Variants in PLK2 observed in about 807,000 individuals in gnomAD.
The protein encoded by PLK2 is serine/threonine-protein kinase PLK2.
Under a neutral mutation model 78.1 loss-of-function variants are expected in PLK2, and 25 were observed. The observed-to-expected ratio is 0.32, with a 90% CI of 0.23 to 0.45. PLK2 has a LOEUF of 0.45. Among genes scored for constraint, PLK2 ranks in the 20% least tolerant of loss-of-function variants. The pLI is 1.00. For missense variants in PLK2, 566 were observed against 840.2 expected (o/e 0.67, Z 4.04); for synonymous variants, 332 against 298.2 (o/e 1.11, Z -1.17).
Position 58,458,705 on chromosome 5 carries a change from A to C in PLK2, c.495+20T>G, listed in dbSNP as rs759556389. 5.9e-6 allele frequency: 8 copies of C among 1,345,856 alleles called. No homozygotes were observed. 83.4% of individuals were successfully genotyped at this position (1,345,856 alleles called of 1,614,324 possible). A position where few individuals can be genotyped will look rare whatever the true frequency, so the allele number is the denominator to read the frequency against. Reference sequence around the variant, plus strand: ...TAATTCGGGGTAAGCAAATGTTCTCAAATAGGAGTTGACACTTACCCTTCT... The same window carrying C: ...TAATTCGGGGTAAGCAAATGTTCTCCAATAGGAGTTGACACTTACCCTTCT... On this transcript the variant is annotated intron_variant, in intron 3 of 13. Coordinates refer to ENST00000274289, the MANE Select transcript of PLK2 (RefSeq NM_006622.4).
chr5:58,459,444 A>T, intron 1 of PLK2: 1 of 566,030 alleles, frequency 1.8e-6, no homozygotes, highest in Non-Finnish European at 3.1e-6. Flanking sequence ...CCTCGCTTCC[A>T]GACTCAAGAT....
In PLK2 at chr5:58,454,203, C is replaced by G. The variant is rs1200615491; in HGVS notation, c.*380G>C. The G allele has an allele frequency of 1.2e-5, 2 of 167,392 alleles. No individual in the cohort carries two copies. Among genetic ancestry groups the G allele is most frequent in the African/African-American group, 4.8e-5 (2 of 42,044 alleles). 10.4% of individuals were successfully genotyped at this position (167,392 alleles called of 1,614,324 possible). A position where few individuals can be genotyped will look rare whatever the true frequency, so the allele number is the denominator to read the frequency against. ...CAGCCAAAAGCTGCTCCAATTACAGCCTTTAAACAACATGGGAGCTTCCTC... is the reference window on the plus strand; with the variant it reads ...CAGCCAAAAGCTGCTCCAATTACAGGCTTTAAACAACATGGGAGCTTCCTC... On this transcript the variant is annotated 3_prime_UTR_variant, in exon 14 of 14. Coordinates refer to ENST00000274289, the MANE Select transcript of PLK2 (RefSeq NM_006622.4).
At position 58,457,202 on chromosome 5, in the gene PLK2, A is replaced by C. The variant is rs1273270929; in HGVS notation, c.987T>G (p.Ile329Met). The change falls in exon 7 of 14, where the codon ATT (isoleucine) becomes ATG (methionine). Residue 329 changes from isoleucine (I) to methionine (M), a missense_variant. By Grantham distance (10) the Ile-to-Met change is conservative. Around this residue, in one of 5 missense-constraint regions of PLK2, gnomAD observed 179 missense variants for 342.3 expected, o/e 0.52. Transcript: ENST00000274289. The part of the protein sequence containing the change: ...PEDRPSLDDI[I>M]RHDFFLQGFT... Reference sequence around the variant, plus strand: ...CAACCTGCAAAAAAAAGTCATGTCGAATGATGTCATCCAAACTGGGACGAT... The same window carrying C: ...CAACCTGCAAAAAAAAGTCATGTCGCATGATGTCATCCAAACTGGGACGAT... The C allele has an allele frequency of 1.9e-6, 3 of 1,614,048 alleles. No individual in the cohort carries two copies. The African/African-American group carries it at 4.0e-5, about 22-fold the overall frequency.
At chr5:58,456,181 T>C in intron 9 of PLK2, 26 bp from the exon 10 acceptor site, 2 of 1,600,412 alleles carry the variant, frequency 1.2e-6, no homozygotes, top group South Asian at 1.1e-5. Context: ...ATTTATGCAA[T>C]GAGTCAAGCA....
chr5:58,458,990 C>G lies in PLK2; in HGVS notation c.373G>C (p.Glu125Gln). Residue 125 changes from glutamate (E) to glutamine (Q), a missense_variant, in exon 2 of 14, where the codon GAA (glutamate) becomes CAA (glutamine). By Grantham distance (29) the Glu-to-Gln change is conservative. Coordinates refer to ENST00000274289, the MANE Select transcript of PLK2 (RefSeq NM_006622.4). Reference sequence around the variant, plus strand: ...TACTCAAGAGTCATACGCACCTTTTCCCTTTGATGAGGTTTAGCTACTCTG... The same window carrying G: ...TACTCAAGAGTCATACGCACCTTTTGCCTTTGATGAGGTTTAGCTACTCTG... ...HSRVAKPHQR[E>Q]KIDKEIELHR... The G allele has an allele frequency of 6.3e-7, 1 of 1,576,116 alleles. No homozygotes were observed. Among genetic ancestry groups the G allele is most frequent in the Non-Finnish European group, 8.7e-7 (1 of 1,145,692 alleles).
chr5:58,457,024 T>C lies in PLK2; in HGVS notation c.1077A>G (p.Pro359=). ...CTGCTTTCTTAAAGAAATTCTTAGC[T>C]GGGCTTGATAAGTGGAAATCTGGAA... ...HTVPDFHLSS[P]AKNFFKKAAA... is the part of the protein sequence containing the mutation. The change falls in exon 8 of 14, where the codon CCA becomes CCG. Residue 359 remains proline, a synonymous_variant. Coordinates refer to ENST00000274289, the MANE Select transcript of PLK2 (RefSeq NM_006622.4). 1 of 1,613,696 alleles carries C rather than the reference T, an allele frequency of 6.2e-7. No individual in the cohort carries two copies. The highest frequency in any genetic ancestry group is 8.5e-7 in the Non-Finnish European group (1 of 1,179,644).
Position 58,455,729 on chromosome 5 carries a change from G to A in PLK2, c.1435C>T (p.Leu479Phe), listed in dbSNP as rs886556922. 3 of 1,613,932 alleles carry A rather than the reference G, an allele frequency of 1.9e-6. No individual in the cohort carries two copies. The highest frequency in any genetic ancestry group is 3.3e-5 in the Admixed American group (2 of 59,996). The change falls in exon 11 of 14, where the codon CTT (leucine) becomes TTT (phenylalanine). Residue 479 changes from leucine to phenylalanine, a missense_variant. Coordinates refer to ENST00000274289, the MANE Select transcript of PLK2 (RefSeq NM_006622.4). The part of the protein sequence containing the change: ...GSVADTVARV[L>F]RGCLENMPEA... ...GGCATGTTTTCCAGACATCCCCGAA[G>A]AACCCTTGCCACTGTGTCTGCAACA...
rs1310584524 is a variant in PLK2, at chr5:58,459,807, C to T, written c.153G>A (p.Val51=). The T allele has an allele frequency of 1.2e-6, 2 of 1,609,210 alleles. No individual in the cohort carries two copies. Among genetic ancestry groups the T allele is most frequent in the Non-Finnish European group, 1.7e-6 (2 of 1,179,836 alleles). Residue 51 remains valine, a synonymous_variant, in exon 1 of 14, where the codon GTG becomes GTA. Transcript: ENST00000274289. ...ESQPPQSQAQ[V]PPAAPHHHHH... ...GATGGTGGTGAGGGGCCGCCGGGGG[C>T]ACTTGCGCCTGGGACTGAGGTGGCT...
At chr5:58,455,865 A>C in intron 10 of PLK2, 86 bp from the exon 11 acceptor site, 2 of 1,530,104 alleles carry the variant, frequency 1.3e-6, no homozygotes, top group Non-Finnish European at 1.8e-6. Context: ...GTTTCACTCC[A>C]TTAATTCGAA....
intron 5 of PLK2, 144 bp downstream of exon 5, chr5:58,457,940 G>A (rs1393432181): frequency 5.8e-6 from 4 of 695,220 alleles, no homozygotes; most frequent in East Asian, 2.5e-5. Flanking sequence ...GTCCATAGTG[G>A]GCATTTAATA....
chr5:58,458,061 G>A (rs761946938), intron 5 of PLK2, 23 bp downstream of exon 5: 26 of 1,477,958 alleles, frequency 1.8e-5, no homozygotes, highest in Non-Finnish European at 2.5e-5. Flanking sequence ...AAGTCTACTA[G>A]GATGCATCTT....
Position 58,460,034 on chromosome 5 carries a change from C to CGCA in PLK2, c.-78_-76dup. On this transcript the variant is annotated 5_prime_UTR_variant, in exon 1 of 14. Coordinates refer to ENST00000274289, the MANE Select transcript of PLK2 (RefSeq NM_006622.4). ...ACACGTCCGAGCCGGCCGTGGTCCT[C>CGCA]GCACCCTTGCCTCTGGTGCCGACTA... The CGCA allele has an allele frequency of 6.7e-7, 1 of 1,502,680 alleles. No homozygotes were observed. Among genetic ancestry groups the CGCA allele is most frequent in the Non-Finnish European group, 8.9e-7 (1 of 1,123,436 alleles). The allele number at this position is 1,502,680 out of a possible 1,614,324, so 93.1% of individuals were successfully genotyped here. A position where few individuals can be genotyped will look rare whatever the true frequency, so the allele number is the denominator to read the frequency against.
In PLK2 at chr5:58,459,612, C is replaced by T. The variant is rs897275269; in HGVS notation, c.270+78G>A. 64 of 1,301,054 alleles carry T rather than the reference C, an allele frequency of 4.9e-5. No homozygotes were observed. In the African/African-American group the frequency reaches 8.8e-4, roughly 18 times the overall value. 80.6% of individuals were successfully genotyped at this position (1,301,054 alleles called of 1,614,324 possible). On this transcript the variant is annotated intron_variant, in intron 1 of 13. Coordinates refer to ENST00000274289, the MANE Select transcript of PLK2 (RefSeq NM_006622.4). ...AACCCGGAAGCGGCGGGCGAGGGACCCCGCGGGCTTGCCCGGCTTGGGGTC... is the reference window on the plus strand; with the variant it reads ...AACCCGGAAGCGGCGGGCGAGGGACTCCGCGGGCTTGCCCGGCTTGGGGTC...
intron 9 of PLK2, 111 bp downstream of exon 9, chr5:58,456,381 T>C (rs1368383565): frequency 1.2e-6 from 1 of 855,238 alleles, no homozygotes; most frequent in African/African-American, 1.7e-5. Context: ...AAGAAAAACT[T>C]TAAGTAAATA....
At chr5:58,455,198 GT>G (rs1261671397) in intron 12 of PLK2, 86 bp downstream of exon 12, 1 of 1,478,660 alleles carries the variant, frequency 6.8e-7, no homozygotes, top group African/African-American at 1.4e-5. Flanking sequence ...AGGAGAATCT[GT>G]TTCTAACAAG....
chr5:58,458,981 G>A lies in PLK2; in HGVS notation c.378+4C>T, dbSNP rs697133. 0.62 allele frequency: 953,864 copies of A among 1,535,368 alleles called. 300,983 individuals are homozygous for A. The highest frequency in any genetic ancestry group is 0.9 in the East Asian group (39,741 of 44,374). Reference sequence around the variant, plus strand: ...AAAATACTTTACTCAAGAGTCATACGCACCTTTTCCCTTTGATGAGGTTTA... The same window carrying A: ...AAAATACTTTACTCAAGAGTCATACACACCTTTTCCCTTTGATGAGGTTTA... On this transcript the variant is annotated splice_donor_region_variant and intron_variant, in intron 2 of 13. Coordinates refer to ENST00000274289, the MANE Select transcript of PLK2 (RefSeq NM_006622.4).
In PLK2 at chr5:58,457,228, C is replaced by G; in HGVS notation, c.961G>C (p.Asp321His). The change falls in exon 7 of 14, where the codon GAT becomes CAT. Residue 321 changes from aspartate (D) to histidine (H), a missense_variant. Physicochemically the swap from Asp to His is moderately conservative, Grantham distance 81 (BLOSUM62 -1). This residue lies in a region of PLK2 where 179 missense variants were observed against 342.3 expected (regional missense o/e 0.52). Transcript: ENST00000274289. ...ATGATGTCATCCAAACTGGGACGATCCTCTGGGTTTTTGGACAACATACTA... is the reference window on the plus strand; with the variant it reads ...ATGATGTCATCCAAACTGGGACGATGCTCTGGGTTTTTGGACAACATACTA... ...IASMLSKNPE[D>H]RPSLDDIIRH... The G allele has an allele frequency of 3.1e-6, 5 of 1,614,100 alleles. No individual in the cohort carries two copies. The highest frequency in any genetic ancestry group is 4.2e-6 in the Non-Finnish European group (5 of 1,180,028).
chr5:58,459,405 T>G, intron 1 of PLK2: 1 of 566,722 alleles, frequency 1.8e-6, no homozygotes, highest in Non-Finnish European at 3.1e-6. Context: ...TGGGAGCAGA[T>G]AGAGGGAGAG....
rs911659166 is a variant in PLK2 at position 58,456,165 on chromosome 5, G to C, written c.1255-10C>G. ...TAGGTGGCTGGAGCTCCTTAGAAGA[G>C]AGAAGATTTATGCAATGAGTCAAGC... On this transcript the variant is annotated splice_polypyrimidine_tract_variant and intron_variant, in intron 9 of 13. Coordinates refer to ENST00000274289, the MANE Select transcript of PLK2 (RefSeq NM_006622.4). 3 of 1,606,372 alleles carry C rather than the reference G, an allele frequency of 1.9e-6. No individual in the cohort carries two copies. Among genetic ancestry groups the C allele is most frequent in the Non-Finnish European group, 2.5e-6 (3 of 1,177,836 alleles).
Sources: allele counts gnomAD v4.1 joint callset, GRCh38; gene constraint gnomAD v4.1.1; regional missense constraint gnomAD v4.1.1; transcripts MANE v1.5; gene names NCBI Gene and HGNC (gene_info 2026-07-23, HGNC 2026-07-21).